The following ZEB1 variants were observed in gnomAD, a reference collection of about 807,000 sequenced individuals.
ZEB1 encodes the protein zinc finger E-box-binding homeobox 1.
ZEB1 carries 21 observed loss-of-function variants against 84.9 expected under a neutral mutation model. That is an observed-to-expected ratio of 0.25 (90% CI 0.18 to 0.36). ZEB1 has a LOEUF of 0.36. ZEB1 is among the 10% of genes least tolerant of loss of function. The probability of loss-of-function intolerance (pLI) is 1.00; values close to 1 mark genes in which losing one functional copy is unlikely to be tolerated. For missense variants in ZEB1, 1,104 were observed against 1,330.2 expected, an observed-to-expected ratio of 0.83 and a Z score of 2.65; for synonymous variants, 420 against 471.1, an observed-to-expected ratio of 0.89 and a Z score of 1.41.
intron 1 of ZEB1, among the ~76,000 whole-genome samples, chr10:31,351,137 G>A (rs1435473195): frequency 6.6e-6 from 1 of 152,130 alleles, no homozygotes; most frequent in Non-Finnish European, 1.5e-5. Context: ...AGTATCTGGA[G>A]TCATGGAAGA....
intron 1 of ZEB1, among the ~76,000 whole-genome samples, chr10:31,388,314 C>G (rs117732668): frequency 1.2e-4 from 18 of 152,190 alleles, no homozygotes; most frequent in Non-Finnish European, 2.5e-4. Flanking sequence ...TTTCTTAAAG[C>G]TCTTAAAGTG....
intron 1 of ZEB1, among the ~76,000 whole-genome samples, chr10:31,429,411 G>A (rs185436011): frequency 1.4e-4 from 21 of 151,940 alleles, no homozygotes; most frequent in East Asian, 5.8e-4. Context: ...GTAGGGTTTC[G>A]GAGGCCATTA....
At chr10:31,373,761 C>A (rs569040348) in intron 1 of ZEB1, among the ~76,000 whole-genome samples, 27 of 151,310 alleles carry the variant, frequency 1.8e-4, no homozygotes, top group Admixed American at 9.2e-4. Flanking sequence ...TACTCTATAC[C>A]CAAAACAAAG....
intron 1 of ZEB1, among the ~76,000 whole-genome samples, chr10:31,385,909 A>T (rs2048560326): frequency 6.6e-6 from 1 of 152,192 alleles, no homozygotes; most frequent in African/African-American, 2.4e-5. Context: ...TGTGTTTTTA[A>T]TAATAGTTTA....
intron 5 of ZEB1, among the ~76,000 whole-genome samples, chr10:31,513,057 A>G (rs1395892973): frequency 3.3e-5 from 5 of 152,098 alleles, no homozygotes; most frequent in Non-Finnish European, 7.4e-5. Context: ...ATGCCTGTCA[A>G]GGATCCAGGA....
At chr10:31,449,504 G>A (rs888450223) in intron 1 of ZEB1, among the ~76,000 whole-genome samples, 5 of 151,998 alleles carry the variant, frequency 3.3e-5, no homozygotes, top group South Asian at 2.1e-4. Context: ...CTTTGATTTC[G>A]TGTGGGTTTC....
chr10:31,527,637 A>G lies in ZEB1; in HGVS notation c.*373A>G, dbSNP rs1224167721. Reference sequence around the variant, plus strand: ...TCTGGCATTGTTTTATCTTATCAGTATTATCACTCTTATGTTGGTTTATTC... The same window carrying G: ...TCTGGCATTGTTTTATCTTATCAGTGTTATCACTCTTATGTTGGTTTATTC... On this transcript the variant is annotated 3_prime_UTR_variant, in exon 9 of 9. Coordinates refer to ENST00000424869, the MANE Select transcript of ZEB1 (RefSeq NM_001174096.2). The G allele has an allele frequency of 4.6e-6, 1 of 216,986 alleles. No homozygotes were observed. Among genetic ancestry groups the G allele is most frequent in the East Asian group, 1.1e-4 (1 of 9,012 alleles). The allele number at this position is 216,986 out of a possible 1,614,324, so 13.4% of individuals were successfully genotyped here.
chr10:31,404,493 G>C (rs148299616), intron 1 of ZEB1, among the ~76,000 whole-genome samples: 1 of 152,024 alleles, frequency 6.6e-6, no homozygotes, highest in African/African-American at 2.4e-5. Flanking sequence ...TCTACTTGAA[G>C]GAATTTGTTT....
chr10:31,373,079 C>T (rs926985859), intron 1 of ZEB1: 2 of 985,404 alleles, frequency 2.0e-6, no homozygotes, highest in Non-Finnish European at 2.4e-6. Flanking sequence ...ACATGATCAT[C>T]CAAATGTCAT....
chr10:31,473,961 A>G (rs959514679), intron 2 of ZEB1, among the ~76,000 whole-genome samples: 4 of 152,168 alleles, frequency 2.6e-5, no homozygotes, highest in African/African-American at 9.7e-5. Flanking sequence ...CAATGGGGAA[A>G]GGATTCCCTA....
At chr10:31,332,127 A>G (rs2036925679) in intron 1 of ZEB1, among the ~76,000 whole-genome samples, 1 of 152,148 alleles carries the variant, frequency 6.6e-6, no homozygotes, top group African/African-American at 2.4e-5. Flanking sequence ...TTCTGATAAT[A>G]CTAATAGATT....
At position 31,400,069 on chromosome 10, in the gene ZEB1, C is replaced by G. The variant is rs537637950; in HGVS notation, c.59-60968C>G. 1.2e-3 allele frequency among the ~76,000 whole-genome samples: 190 copies of G among 152,236 alleles called. 1 individual carries two copies. The highest frequency in any genetic ancestry group is 8.4e-4 in the Non-Finnish European group (57 of 68,004). ...ATTGCAGATTTCCCCTACTTCACCC[C>G]AATTCTCCTTCCTGCTTTATGTTTC... is the stretch of plus-strand genomic sequence containing the variant. On this transcript the variant is annotated intron_variant, in intron 1 of 8. Transcript: ENST00000424869.
intron 1 of ZEB1, among the ~76,000 whole-genome samples, chr10:31,407,173 C>A (rs901269494): frequency 6.6e-6 from 1 of 151,314 alleles, no homozygotes; most frequent in African/African-American, 2.4e-5. Context: ...TATACATGTG[C>A]CATGCTGGTG....
intron 1 of ZEB1, among the ~76,000 whole-genome samples, chr10:31,437,364 TA>T (rs2058413748): frequency 6.6e-6 from 1 of 152,232 alleles, no homozygotes; most frequent in Non-Finnish European, 1.5e-5. Context: ...TCAGAGGAAC[TA>T]AATTATTCAT....
chr10:31,354,720 T>G (rs1327977435), intron 1 of ZEB1, among the ~76,000 whole-genome samples: 2 of 152,182 alleles, frequency 1.3e-5, no homozygotes, highest in African/African-American at 4.8e-5. Flanking sequence ...AGCCAGATAT[T>G]TGGTATCTGC....
chr10:31,526,798 C>T lies in ZEB1; in HGVS notation c.2912C>T (p.Ser971Leu). The T allele has an allele frequency of 6.2e-7, 1 of 1,614,144 alleles. No homozygotes were observed. The stretch of plus-strand genomic sequence containing the variant: ...TGTGACAAATGTGGAAAGCGCTTCT[C>T]ACACTCTGGGTCTTATTCTCAACAC... ...YQCDKCGKRF[S>L]HSGSYSQHMN... Residue 971 changes from serine (S) to leucine (L), a missense_variant, in exon 9 of 9, where the codon TCA becomes TTA. Ser to Leu is a moderately radical substitution (Grantham distance 145, BLOSUM62 -2). Transcript: ENST00000424869.
At chr10:31,392,268 T>C (rs1564695973) in intron 1 of ZEB1, among the ~76,000 whole-genome samples, 1 of 152,150 alleles carries the variant, frequency 6.6e-6, no homozygotes, top group South Asian at 2.1e-4. Flanking sequence ...TTTAAATCCC[T>C]TTTTCTCTCT....
At chr10:31,466,572 AAACAT>A (rs2062447933) in intron 2 of ZEB1, among the ~76,000 whole-genome samples, 2 of 152,200 alleles carry the variant, frequency 1.3e-5, no homozygotes, top group African/African-American at 4.8e-5. Flanking sequence ...ACAAAAATGG[AAACAT>A]AACATACCAA....
intron 1 of ZEB1, chr10:31,319,560 C>G (rs1206203804): frequency 4.5e-6 from 2 of 444,884 alleles, no homozygotes; most frequent in East Asian, 7.9e-5. Flanking sequence ...TGCCGCCTCC[C>G]TGGACCGTTA....
Sources: gnomAD v4.1 joint callset for allele counts (sites outside exome capture counted in the v4.1 genomes callset) on GRCh38, gnomAD v4.1.1 for gene constraint, MANE v1.5 for transcripts, NCBI Gene and HGNC (gene_info 2026-07-23, HGNC 2026-07-21) for gene names.